The following NLGN1 variants were observed in gnomAD, a reference collection of about 807,000 sequenced individuals.
NLGN1 encodes the protein neuroligin-1.
A neutral mutation model predicts 65.5 loss-of-function variants in NLGN1; 12 were observed. That is an observed-to-expected ratio of 0.18 (90% CI 0.12 to 0.30). The LOEUF is 0.30. Ranked by LOEUF, NLGN1 falls within the 10% of genes least tolerant of loss-of-function variation. The pLI is 1.00. For synonymous variants in NLGN1, 350 were observed against 359.5 expected (o/e 0.97, Z 0.30); for missense variants, 750 against 1,007.1 (o/e 0.74, Z 3.46).
chr3:173,762,601 G>T lies in NLGN1; in HGVS notation c.494-45079G>T, dbSNP rs956921705. Reference sequence around the variant, plus strand: ...TGTTTTATTATGTTTACTACACAATGAGCCTACCTAAGGCATTCTCTAGTT... The same window carrying T: ...TGTTTTATTATGTTTACTACACAATTAGCCTACCTAAGGCATTCTCTAGTT... On this transcript the variant is annotated intron_variant, in intron 3 of 6. Transcript: ENST00000457714. Among the ~76,000 whole-genome samples the T allele has an allele frequency of 7.2e-5, 11 of 151,924 alleles. 1 individual carries two copies. In the South Asian group the frequency reaches 1.2e-3, roughly 17 times the overall value.
At chr3:173,509,238 C>T (rs890792781) in intron 2 of NLGN1, among the ~76,000 whole-genome samples, 4 of 152,148 alleles carry the variant, frequency 2.6e-5, no homozygotes, top group Non-Finnish European at 5.9e-5. Flanking sequence ...CTTGATGCTA[C>T]AAAGTAAGTA....
intron 3 of NLGN1, among the ~76,000 whole-genome samples, chr3:173,717,066 CT>C (rs1180105078): frequency 6.6e-6 from 1 of 152,172 alleles, no homozygotes; most frequent in Non-Finnish European, 1.5e-5. Context: ...CTTTTAGCCA[CT>C]TTTAAGCCCA....
In NLGN1 at chr3:173,875,412, A is replaced by C. The variant is rs913677804; in HGVS notation, c.646+67580A>C. On this transcript the variant is annotated intron_variant, in intron 4 of 6. Transcript: ENST00000457714. ...TATTCATTTGTAAAAGGGATATAATAAAAATACCTGTTCTGCTTTCTAAAA... is the reference window on the plus strand; with the variant it reads ...TATTCATTTGTAAAAGGGATATAATCAAAATACCTGTTCTGCTTTCTAAAA... 3.3e-5 allele frequency among the ~76,000 whole-genome samples: 5 copies of C among 152,208 alleles called. No homozygotes were observed. In the South Asian group the frequency reaches 1.0e-3, roughly 32 times the overall value.
intron 4 of NLGN1, among the ~76,000 whole-genome samples, chr3:174,078,378 A>G (rs1285572934): frequency 2.0e-5 from 3 of 152,200 alleles, no homozygotes; most frequent in African/African-American, 4.8e-5. Flanking sequence ...AAGTATTAAT[A>G]GTGATCAACT....
At chr3:173,409,440 G>A (rs1292536236) in intron 1 of NLGN1, among the ~76,000 whole-genome samples, 2 of 151,998 alleles carry the variant, frequency 1.3e-5, no homozygotes, top group Admixed American at 6.6e-5. Flanking sequence ...ACTAGAAAAC[G>A]TGTCACTGGC....
In NLGN1 at chr3:174,122,327, G is replaced by T. The variant is rs149571233; in HGVS notation, c.647-152988G>T. On this transcript the variant is annotated intron_variant, in intron 4 of 6. Transcript: ENST00000457714. Reference sequence around the variant, plus strand: ...AACCCATTTGGAAGACTGGTTTTCTGCATGTTATCTAAGAGGCTGAGCATG... The same window carrying T: ...AACCCATTTGGAAGACTGGTTTTCTTCATGTTATCTAAGAGGCTGAGCATG... Among the ~76,000 whole-genome samples, 1,293 of 152,172 alleles carry T rather than the reference G, an allele frequency of 8.5e-3. 24 individuals are homozygous for T. The highest frequency in any genetic ancestry group is 0.03 in the African/African-American group (1,232 of 41,522).
intron 4 of NLGN1, among the ~76,000 whole-genome samples, chr3:174,104,208 T>A (rs186749749): frequency 6.6e-6 from 1 of 152,130 alleles, no homozygotes; most frequent in Non-Finnish European, 1.5e-5. Flanking sequence ...CCATGTCCTA[T>A]GGCTTGGCTA....
chr3:173,541,222 A>T (rs914293738), intron 2 of NLGN1, among the ~76,000 whole-genome samples: 8 of 152,162 alleles, frequency 5.3e-5, no homozygotes, highest in African/African-American at 1.7e-4. Context: ...TTGACACTAA[A>T]AGTATTTTCC....
chr3:173,512,930 G>A (rs572353941), intron 2 of NLGN1, among the ~76,000 whole-genome samples: 24 of 152,298 alleles, frequency 1.6e-4, no homozygotes, highest in Middle Eastern at 3.4e-3. Flanking sequence ...AAAGTAAGAC[G>A]TGAAAAGAGG....
At chr3:173,864,026 C>T (rs1729647151) in intron 4 of NLGN1, among the ~76,000 whole-genome samples, 1 of 152,232 alleles carries the variant, frequency 6.6e-6, no homozygotes, top group East Asian at 1.9e-4. Flanking sequence ...AATGATCTGT[C>T]TCAAATGAGA....
chr3:173,762,937 C>T (rs961736019), intron 3 of NLGN1, among the ~76,000 whole-genome samples: 1 of 146,470 alleles, frequency 6.8e-6, no homozygotes, highest in Admixed American at 7.0e-5. Flanking sequence ...ATTCTCCAGG[C>T]AATGGGATTG....
intron 4 of NLGN1, among the ~76,000 whole-genome samples, chr3:173,985,967 A>G (rs543146564): frequency 6.6e-6 from 1 of 151,886 alleles, no homozygotes; most frequent in African/African-American, 2.4e-5. Flanking sequence ...AAAACAATTT[A>G]AAAAAAAGAA....
At chr3:173,529,329 G>C (rs1003715740) in intron 2 of NLGN1, among the ~76,000 whole-genome samples, 2 of 152,164 alleles carry the variant, frequency 1.3e-5, no homozygotes, top group Admixed American at 6.5e-5. Flanking sequence ...CTTGTTTACT[G>C]TGAGGTGCTC....
chr3:174,198,021 G>GTACTTTT (rs2152770217), intron 4 of NLGN1, among the ~76,000 whole-genome samples: 1 of 151,906 alleles, frequency 6.6e-6, no homozygotes, highest in African/African-American at 2.4e-5. Flanking sequence ...GATGGTTCCT[G>GTACTTTT]TACTTTTGTG....
chr3:173,453,100 CTT>C (rs536453214), intron 2 of NLGN1, among the ~76,000 whole-genome samples: 3 of 141,642 alleles, frequency 2.1e-5, no homozygotes, highest in African/African-American at 2.6e-5. Context: ...CTTTTCTTTT[CTT>C]TTTTTTTTTT....
At chr3:174,224,297 G>A (rs1417720184) in intron 4 of NLGN1, among the ~76,000 whole-genome samples, 1 of 152,146 alleles carries the variant, frequency 6.6e-6, no homozygotes, top group Non-Finnish European at 1.5e-5. Flanking sequence ...ATATTCAAGT[G>A]CAGTTGTCAA....
At chr3:173,798,126 A>G (rs1168156895) in intron 3 of NLGN1, among the ~76,000 whole-genome samples, 1 of 152,142 alleles carries the variant, frequency 6.6e-6, no homozygotes, top group East Asian at 1.9e-4. Flanking sequence ...GCCTCCAAAT[A>G]TTAGCAAACT....
intron 4 of NLGN1, among the ~76,000 whole-genome samples, chr3:173,951,709 C>T (rs956207281): frequency 5.9e-5 from 9 of 152,108 alleles, no homozygotes; most frequent in African/African-American, 2.2e-4. Flanking sequence ...GTTCTGCACA[C>T]CTCGACCTCC....
chr3:174,115,193 G>A (rs1278838839), intron 4 of NLGN1, among the ~76,000 whole-genome samples: 1 of 152,110 alleles, frequency 6.6e-6, no homozygotes, highest in African/African-American at 2.4e-5. Flanking sequence ...AGTTAGATTT[G>A]GGTTCAAATT....
Sources: gnomAD v4.1 joint callset for allele counts (sites outside exome capture counted in the v4.1 genomes callset) on GRCh38, gnomAD v4.1.1 for gene constraint, MANE v1.5 for transcripts, NCBI Gene and HGNC (gene_info 2026-07-23, HGNC 2026-07-21) for gene names.